ARPP21: variants seen among roughly 807,000 people sequenced by gnomAD.
ARPP21 encodes the protein cAMP-regulated phosphoprotein 21.
ARPP21 carries 69 observed loss-of-function variants against 113.2 expected under a neutral mutation model. The ratio of observed to expected loss-of-function variants is 0.61; its 90% confidence interval spans 0.50 to 0.74. The LOEUF (loss-of-function observed/expected upper bound fraction) is 0.74, where lower values mean the gene tolerates loss of function less well. Ranked by LOEUF, ARPP21 falls within the 30% of genes least tolerant of loss-of-function variation. The probability of loss-of-function intolerance (pLI) is 0.00; values close to 1 mark genes in which losing one functional copy is unlikely to be tolerated. For synonymous variants in ARPP21, 368 were observed against 375.5 expected, an observed-to-expected ratio of 0.98 and a Z score of 0.23; for missense variants, 1,070 against 1,037.4, an observed-to-expected ratio of 1.03 and a Z score of -0.43.
chr3:35,724,607 A>G (rs985365745), intron 14 of ARPP21, among the ~76,000 whole-genome samples: 1 of 152,192 alleles, frequency 6.6e-6, no homozygotes, highest in Non-Finnish European at 1.5e-5. Flanking sequence ...CCACACTTCA[A>G]AAACAACTGC....
At chr3:35,747,961 AAGAG>A (rs71634571) in intron 19 of ARPP21, among the ~76,000 whole-genome samples, 25 of 147,612 alleles carry the variant, frequency 1.7e-4, no homozygotes, top group Admixed American at 6.8e-4. Flanking sequence ...GAAAGAAAGA[AAGAG>A]AGAGAGAGAG....
chr3:35,662,135 G>T (rs1342521029), intron 1 of ARPP21, among the ~76,000 whole-genome samples: 1 of 152,152 alleles, frequency 6.6e-6, no homozygotes, highest in Non-Finnish European at 1.5e-5. Flanking sequence ...CCATTGGAAA[G>T]AATCATAGTG....
At chr3:35,702,206 T>A (rs1345377229) in intron 9 of ARPP21, among the ~76,000 whole-genome samples, 2 of 151,734 alleles carry the variant, frequency 1.3e-5, no homozygotes, top group African/African-American at 4.8e-5. Context: ...CAAAGCATAT[T>A]TATGTTTGTA....
intron 6 of ARPP21, 73 bp from the exon 7 acceptor site, chr3:35,689,234 A>G: frequency 1.3e-6 from 1 of 774,040 alleles, no homozygotes; most frequent in Non-Finnish European, 2.4e-6. Flanking sequence ...GAAACAGGAT[A>G]GGTTGGGGAA....
chr3:35,654,418 C>T (rs1254188174), intron 1 of ARPP21, among the ~76,000 whole-genome samples: 3 of 152,096 alleles, frequency 2.0e-5, no homozygotes, highest in African/African-American at 7.2e-5. Flanking sequence ...AACCTGTCTT[C>T]TGCCCCATGG....
At chr3:35,740,132 G>T (rs954140021) in intron 18 of ARPP21, among the ~76,000 whole-genome samples, 18 of 152,146 alleles carry the variant, frequency 1.2e-4, no homozygotes, top group Non-Finnish European at 2.6e-4. Flanking sequence ...CTCACAGGTA[G>T]CCATTAATCA....
chr3:35,763,375 G>A (rs1039299103), intron 19 of ARPP21, among the ~76,000 whole-genome samples: 6 of 152,182 alleles, frequency 3.9e-5, no homozygotes, highest in South Asian at 2.1e-4. Flanking sequence ...TTGAAGTCCC[G>A]TGAGGACCAC....
At chr3:35,706,830 C>A in intron 9 of ARPP21, 144 bp from the exon 10 acceptor site, 1 of 602,628 alleles carries the variant, frequency 1.7e-6, no homozygotes, top group Non-Finnish European at 2.9e-6. Flanking sequence ...TTATTACCTA[C>A]CTGTATATTG....
At chr3:35,764,013 C>T (rs1003514000) in intron 19 of ARPP21, among the ~76,000 whole-genome samples, 1 of 151,900 alleles carries the variant, frequency 6.6e-6, no homozygotes, top group Non-Finnish European at 1.5e-5. Context: ...AACAAACAAA[C>T]AACCATACAA....
At chr3:35,791,719 A>G (rs2096751614) in intron 19 of ARPP21, among the ~76,000 whole-genome samples, 1 of 152,194 alleles carries the variant, frequency 6.6e-6, no homozygotes, top group Non-Finnish European at 1.5e-5. Context: ...ATATGTATTA[A>G]TACTTGGTCA....
At chr3:35,754,283 A>G (rs1395642732) in intron 19 of ARPP21, among the ~76,000 whole-genome samples, 1 of 152,000 alleles carries the variant, frequency 6.6e-6, no homozygotes, top group Non-Finnish European at 1.5e-5. Context: ...AAATAGGTGT[A>G]ACTAATAACA....
chr3:35,691,353 A>G (rs1425179816), intron 9 of ARPP21, among the ~76,000 whole-genome samples: 19 of 151,846 alleles, frequency 1.3e-4, no homozygotes, highest in Admixed American at 1.2e-3. Context: ...TTAAATGACC[A>G]TGACATACAC....
At chr3:35,762,680 C>T (rs1243665803) in intron 19 of ARPP21, among the ~76,000 whole-genome samples, 1 of 152,036 alleles carries the variant, frequency 6.6e-6, no homozygotes, top group Non-Finnish European at 1.5e-5. Flanking sequence ...ACACACTTCC[C>T]TAAAATAACA....
At position 35,737,301 on chromosome 3, in the gene ARPP21, C is replaced by A; in HGVS notation, c.1583C>A (p.Pro528Gln). 6.2e-7 allele frequency: 1 copy of A among 1,612,930 alleles called. No individual in the cohort carries two copies. Among genetic ancestry groups the A allele is most frequent in the East Asian group, 2.2e-5 (1 of 44,834 alleles). Residue 528 changes from proline to glutamine, a missense_variant, in exon 16 of 21, where the codon CCG becomes CAG. Transcript: ENST00000684406. Reference protein sequence around the residue: ...QQQPPQQQPSPQPQQQVQPPQ... With the variant: ...QQQPPQQQPSQQPQQQVQPPQ... Reference sequence around the variant, plus strand: ...CAGCCACCACAGCAGCAGCCCTCCCCGCAGCCCCAACAGCAGGTCCAGCCA... The same window carrying A: ...CAGCCACCACAGCAGCAGCCCTCCCAGCAGCCCCAACAGCAGGTCCAGCCA...
Position 35,715,477 on chromosome 3 carries a change from G to A in ARPP21, c.935+1G>A, listed in dbSNP as rs1410212468. ...AGGAAAGCCTTTTTGTGGAAAACAG[G>A]TAAAATAAAATTTACTTTTCCATGT... On this transcript the variant is annotated splice_donor_variant, in intron 12 of 20. Coordinates refer to ENST00000684406, the MANE Select transcript of ARPP21 (RefSeq NM_001385562.1). LOFTEE classifies it high-confidence loss of function. 1.2e-6 allele frequency: 2 copies of A among 1,611,502 alleles called. No homozygotes were observed. Among genetic ancestry groups the A allele is most frequent in the Non-Finnish European group, 8.5e-7 (1 of 1,178,058 alleles).
intron 1 of ARPP21, among the ~76,000 whole-genome samples, chr3:35,645,426 C>G (rs1009585005): frequency 1.3e-5 from 2 of 151,764 alleles, no homozygotes; most frequent in Non-Finnish European, 3.0e-5. Context: ...TTCAAATATT[C>G]CAGCGAATTT....
intron 1 of ARPP21, among the ~76,000 whole-genome samples, chr3:35,672,336 A>C (rs550122278): frequency 2.7e-4 from 41 of 152,186 alleles, no homozygotes; most frequent in Middle Eastern, 6.8e-3. Flanking sequence ...AGAGCTTAAC[A>C]AGACCAAAAC....
chr3:35,721,793 G>A lies in ARPP21; in HGVS notation c.1184G>A (p.Ser395Asn), dbSNP rs1261256033. ...GGITVLTRGD[S>N]TSSTRSTGKL... is the part of the protein sequence containing the mutation. ...ATCACGGTGCTGACCAGGGGTGACA[G>A]CACTTCCAGTACTAGGAGTACCGGG... Residue 395 changes from serine to asparagine, a missense_variant, in exon 14 of 21, where the codon AGC (serine) becomes AAC (asparagine). Transcript: ENST00000684406. The A allele has an allele frequency of 4.3e-6, 7 of 1,612,676 alleles. No homozygotes were observed. Among genetic ancestry groups the A allele is most frequent in the Admixed American group, 1.7e-5 (1 of 59,868 alleles).
chr3:35,735,357 C>T (rs2094282473), intron 15 of ARPP21, among the ~76,000 whole-genome samples: 1 of 152,100 alleles, frequency 6.6e-6, no homozygotes, highest in Non-Finnish European at 1.5e-5. Context: ...AAGCAATCTA[C>T]CCACCTTGAC....
Sources: allele counts gnomAD v4.1 joint callset (sites outside exome capture counted in the v4.1 genomes callset), GRCh38; gene constraint gnomAD v4.1.1; transcripts MANE v1.5; gene names NCBI Gene and HGNC (gene_info 2026-07-23, HGNC 2026-07-21).